Variants in B3GALNT2 observed in about 807,000 individuals in gnomAD.
The protein encoded by B3GALNT2 is UDP-GalNAc:beta-1,3-N-acetylgalactosaminyltransferase 2.
Under a neutral mutation model 61.1 loss-of-function variants are expected in B3GALNT2, and 53 were observed. The observed-to-expected ratio is 0.87, with a 90% CI of 0.70 to 1.09. B3GALNT2 has a LOEUF of 1.09. Among genes scored for constraint, B3GALNT2 ranks in the 50% least tolerant of loss-of-function variants. The pLI is 0.00. For missense variants in B3GALNT2, 544 were observed against 623.0 expected, an observed-to-expected ratio of 0.87 and a Z score of 1.35; for synonymous variants, 223 against 237.4, an observed-to-expected ratio of 0.94 and a Z score of 0.56.
chr1:235,456,809 G>A (rs887788469), intron 8 of B3GALNT2, among the ~76,000 whole-genome samples: 3 of 152,174 alleles, frequency 2.0e-5, no homozygotes, highest in Non-Finnish European at 4.4e-5. Flanking sequence ...TCTTAGCCCT[G>A]ACTTCCCACC....
intron 5 of B3GALNT2, among the ~76,000 whole-genome samples, chr1:235,473,407 T>C (rs570378752): frequency 6.6e-6 from 1 of 152,218 alleles, no homozygotes; most frequent in Non-Finnish European, 1.5e-5. Context: ...AAGGAACTGA[T>C]AGGACTTGGT....
At chr1:235,442,910 G>T (rs762799965), downstream of B3GALNT2, 2 of 1,613,992 alleles carry the variant, frequency 1.2e-6, no homozygotes, top group Non-Finnish European at 1.7e-6. Flanking sequence ...AACAACTGCC[G>T]GGTAAGAAGA....
At chr1:235,452,272 C>G (rs1682952052) in intron 11 of B3GALNT2, 1 of 152,178 alleles carries the variant, frequency 6.6e-6, no homozygotes, top group Admixed American at 6.5e-5. Context: ...CCTCGGCCTT[C>G]TGTTGTTAAG....
chr1:235,451,871 G>C (rs1353998102), intron 11 of B3GALNT2: 1 of 152,118 alleles, frequency 6.6e-6, no homozygotes, highest in African/African-American at 2.4e-5. Flanking sequence ...TTTCCATTTT[G>C]GTCTCTGCAG....
chr1:235,452,732 T>C (rs368864948), intron 11 of B3GALNT2, among the ~76,000 whole-genome samples: 1 of 152,024 alleles, frequency 6.6e-6, no homozygotes, highest in African/African-American at 2.4e-5. Context: ...TTGTAGTTTT[T>C]GTAGAGACGG....
At chr1:235,490,730 A>G (rs1197750807) in intron 2 of B3GALNT2, among the ~76,000 whole-genome samples, 10 of 151,608 alleles carry the variant, frequency 6.6e-5, no homozygotes, top group African/African-American at 2.2e-4. Context: ...ATAATCTTAT[A>G]ATATATATTA....
At chr1:235,460,690 C>G (rs1329190903) in intron 7 of B3GALNT2, among the ~76,000 whole-genome samples, 1 of 151,760 alleles carries the variant, frequency 6.6e-6, no homozygotes, top group African/African-American at 2.4e-5. Context: ...CCTCCCACCT[C>G]AGCTTCCCAA....
chr1:235,448,220 C>CAAAAAAA lies in B3GALNT2; in HGVS notation c.*1979_*1985dup, dbSNP rs59405398. ...CTTAAGTAAGTAAGTAAGTCAGTCT[C>CAAAAAAA]AAAAAAAAAAAAAAAAAAAAGACAG... On this transcript the variant is annotated 3_prime_UTR_variant, in exon 12 of 12. Coordinates refer to ENST00000366600, the MANE Select transcript of B3GALNT2 (RefSeq NM_152490.5). 19 of 531,008 alleles carry CAAAAAAA rather than the reference C, an allele frequency of 3.6e-5. No individual in the cohort carries two copies. Among genetic ancestry groups the CAAAAAAA allele is most frequent in the African/African-American group, 2.2e-4 (7 of 32,160 alleles). The allele number at this position is 531,008 out of a possible 1,614,324, so 32.9% of individuals were successfully genotyped here.
At position 235,499,604 on chromosome 1, in the gene B3GALNT2, C is replaced by T. The variant is rs757839716; in HGVS notation, c.112+4537G>A. On this transcript the variant is annotated intron_variant, in intron 1 of 11. Coordinates refer to ENST00000366600, the MANE Select transcript of B3GALNT2 (RefSeq NM_152490.5). Reference sequence around the variant, plus strand: ...CCCTCTGAAGGTTCGGTGAAAATCACTGACAAGAGATGGACAGGAGAAAAG... The same window carrying T: ...CCCTCTGAAGGTTCGGTGAAAATCATTGACAAGAGATGGACAGGAGAAAAG... Among the ~76,000 whole-genome samples, 48 of 152,178 alleles carry T rather than the reference C, an allele frequency of 3.2e-4. 1 individual carries two copies. Among genetic ancestry groups the T allele is most frequent in the Non-Finnish European group, 1.3e-4 (9 of 68,030 alleles).
At chr1:235,442,527 G>A (rs1366354421), downstream of B3GALNT2, among the ~76,000 whole-genome samples, 1 of 152,136 alleles carries the variant, frequency 6.6e-6, no homozygotes, top group Non-Finnish European at 1.5e-5. Context: ...TAACTCCTAT[G>A]TTTTAAACTC....
intron 1 of B3GALNT2, among the ~76,000 whole-genome samples, chr1:235,497,419 A>G (rs1438960075): frequency 6.6e-6 from 1 of 152,226 alleles, no homozygotes; most frequent in African/African-American, 2.4e-5. Context: ...AATTTTGGAT[A>G]TTCTATTTCA....
chr1:235,458,672 T>C lies in B3GALNT2; in HGVS notation c.956A>G (p.Asp319Gly). 1.2e-6 allele frequency: 2 copies of C among 1,612,834 alleles called. No individual in the cohort carries two copies. Among genetic ancestry groups the C allele is most frequent in the South Asian group, 2.2e-5 (2 of 90,658 alleles). Reference sequence around the variant, plus strand: ...GTCGACAACATCCACAAAAACAATATCATCATAGATGCTGCTTTCCTCCTT... The same window carrying C: ...GTCGACAACATCCACAAAAACAATACCATCATAGATGCTGCTTTCCTCCTT... ...LLKEESSIYDDIVFVDVVDTY... is the reference protein window; with the variant it reads ...LLKEESSIYDGIVFVDVVDTY... Residue 319 changes from aspartate (D) to glycine (G), a missense_variant, in exon 8 of 12, where the codon GAT (aspartate) becomes GGT (glycine). Coordinates refer to ENST00000366600, the MANE Select transcript of B3GALNT2 (RefSeq NM_152490.5).
chr1:235,496,785 C>T (rs1336878736), intron 1 of B3GALNT2, among the ~76,000 whole-genome samples: 4 of 152,086 alleles, frequency 2.6e-5, no homozygotes, highest in Non-Finnish European at 5.9e-5. Context: ...ACCTTGTGAT[C>T]CACCGCCTCG....
At chr1:235,476,785 G>A (rs1363864677) in intron 5 of B3GALNT2, among the ~76,000 whole-genome samples, 6 of 151,938 alleles carry the variant, frequency 3.9e-5, no homozygotes, top group Non-Finnish European at 1.5e-5. Flanking sequence ...GGGAGGCAGA[G>A]GTTGCAGTGA....
chr1:235,463,206 A>G (rs1260858045), intron 7 of B3GALNT2, among the ~76,000 whole-genome samples: 2 of 151,678 alleles, frequency 1.3e-5, no homozygotes, highest in African/African-American at 2.4e-5. Flanking sequence ...GAATGATACA[A>G]TGGACTTTGG....
intron 7 of B3GALNT2, among the ~76,000 whole-genome samples, chr1:235,460,971 C>G (rs376224660): frequency 6.6e-6 from 1 of 152,200 alleles, no homozygotes; most frequent in Non-Finnish European, 1.5e-5. Flanking sequence ...TCACTTGTCA[C>G]GTGTGCAGGG....
chr1:235,466,382 C>T (rs1424644721), intron 6 of B3GALNT2, among the ~76,000 whole-genome samples: 1 of 151,864 alleles, frequency 6.6e-6, no homozygotes, highest in East Asian at 1.9e-4. Context: ...TTTCATTTTA[C>T]AGACAGGGTT....
chr1:235,487,270 CTAAG>C (rs1410427924), intron 3 of B3GALNT2, among the ~76,000 whole-genome samples: 1 of 152,052 alleles, frequency 6.6e-6, no homozygotes, highest in South Asian at 2.1e-4. Context: ...CACAGACATC[CTAAG>C]TAAGAAACCT....
At position 235,474,978 on chromosome 1, in the gene B3GALNT2, TATATATATA is replaced by T. The variant is rs1424011702; in HGVS notation, c.652-4027_652-4019del. ...ATATATATATATATATATATATATA[TATATATATA>T]TTTTTTTTTTTTTTTTTTTTTTTGA... is the stretch of plus-strand genomic sequence containing the variant. On this transcript the variant is annotated intron_variant, in intron 5 of 11. Coordinates refer to ENST00000366600, the MANE Select transcript of B3GALNT2 (RefSeq NM_152490.5). Among the ~76,000 whole-genome samples, 38 of 32,010 alleles carry T rather than the reference TATATATATA, an allele frequency of 1.2e-3. 1 individual carries two copies. Among genetic ancestry groups the T allele is most frequent in the African/African-American group, 6.1e-3 (31 of 5,042 alleles). The allele number at this position is 32,010 out of a possible 152,430, so 21.0% of individuals were successfully genotyped here. A position where few individuals can be genotyped will look rare whatever the true frequency, so the allele number is the denominator to read the frequency against.
Sources: gnomAD v4.1 joint callset for allele counts (sites outside exome capture counted in the v4.1 genomes callset) on GRCh38, gnomAD v4.1.1 for gene constraint, MANE v1.5 for transcripts, NCBI Gene and HGNC (gene_info 2026-07-23, HGNC 2026-07-21) for gene names.